The following ADGRL3 variants were observed in gnomAD, a reference collection of about 807,000 sequenced individuals.
ADGRL3 encodes calcium-independent alpha-latrotoxin receptor 3.
In ADGRL3, 62 loss-of-function variants were observed where a neutral mutation model predicts 153.5. That is an observed-to-expected ratio of 0.40 (90% CI 0.33 to 0.50). ADGRL3 has a LOEUF of 0.50. Among genes scored for constraint, ADGRL3 ranks in the 20% least tolerant of loss-of-function variants. ADGRL3 has a pLI of 0.47. For missense variants in ADGRL3, 1,641 were observed against 1,859.4 expected (o/e 0.88, Z 2.16); for synonymous variants, 710 against 672.5 (o/e 1.06, Z -0.86).
intron 9 of ADGRL3, among the ~76,000 whole-genome samples, chr4:61,864,887 C>T (rs1158379946): frequency 2.0e-5 from 3 of 152,226 alleles, no homozygotes; most frequent in East Asian, 1.9e-4. Context: ...ATGAAATCAA[C>T]GGAAGCATAG....
chr4:62,003,970 T>C (rs988748490), intron 21 of ADGRL3, among the ~76,000 whole-genome samples: 1 of 152,076 alleles, frequency 6.6e-6, no homozygotes, highest in Non-Finnish European at 1.5e-5. Flanking sequence ...GGATGAATAG[T>C]AAAATACCTT....
chr4:61,361,934 T>C (rs1035284408), intron 1 of ADGRL3, among the ~76,000 whole-genome samples: 1 of 150,472 alleles, frequency 6.6e-6, no homozygotes, highest in African/African-American at 2.4e-5. Context: ...AACTGTAGTA[T>C]AACAGTTCTC....
chr4:61,979,904 C>T (rs750926862), intron 18 of ADGRL3, 132 bp downstream of exon 18: 141 of 784,832 alleles, frequency 1.8e-4, no homozygotes, highest in Non-Finnish European at 2.4e-4. Flanking sequence ...AATTTTCAGG[C>T]CTTACTCAGT....
At chr4:61,922,757 G>T (rs912688431) in intron 13 of ADGRL3, among the ~76,000 whole-genome samples, 4 of 152,190 alleles carry the variant, frequency 2.6e-5, no homozygotes. Flanking sequence ...TGTTTCAGGT[G>T]CAGGGATTCA....
chr4:61,771,080 T>C (rs2097079693), intron 8 of ADGRL3, among the ~76,000 whole-genome samples: 1 of 152,174 alleles, frequency 6.6e-6, no homozygotes, highest in Non-Finnish European at 1.5e-5. Context: ...CCTTCACAGT[T>C]GAATACAAGG....
chr4:61,323,569 A>G (rs915179588), intron 1 of ADGRL3, among the ~76,000 whole-genome samples: 2 of 152,116 alleles, frequency 1.3e-5, no homozygotes, highest in African/African-American at 2.4e-5. Flanking sequence ...AAGTTCCACA[A>G]ATCTCTAGGG....
At chr4:61,511,136 T>A (rs1352571186) in intron 3 of ADGRL3, among the ~76,000 whole-genome samples, 1 of 152,138 alleles carries the variant, frequency 6.6e-6, no homozygotes, top group Non-Finnish European at 1.5e-5. Context: ...GGTGGGCTGA[T>A]CACTTGAGGT....
chr4:61,373,259 G>T (rs552104411), intron 1 of ADGRL3, among the ~76,000 whole-genome samples: 1 of 152,010 alleles, frequency 6.6e-6, no homozygotes, highest in African/African-American at 2.4e-5. Context: ...TAACTCTGTC[G>T]CTTTTTCTAA....
intron 4 of ADGRL3, among the ~76,000 whole-genome samples, chr4:61,528,874 A>G (rs1036448876): frequency 3.3e-5 from 5 of 152,288 alleles, no homozygotes; most frequent in Admixed American, 6.5e-5. Context: ...GCCTAGAGGT[A>G]GTAGCACAAG....
chr4:61,233,023 T>C (rs1751398673), intron 1 of ADGRL3, among the ~76,000 whole-genome samples: 1 of 152,196 alleles, frequency 6.6e-6, no homozygotes, highest in African/African-American at 2.4e-5. Context: ...CAGAATTATG[T>C]GCTTGAATAT....
intron 9 of ADGRL3, among the ~76,000 whole-genome samples, chr4:61,852,668 GTTAGT>G (rs573787765): frequency 2.0e-3 from 301 of 152,168 alleles, no homozygotes; most frequent in Middle Eastern, 0.014. Flanking sequence ...GAATACCCCA[GTTAGT>G]TTATTTAGTC....
chr4:61,426,007 C>A (rs538189005), intron 2 of ADGRL3, among the ~76,000 whole-genome samples: 1 of 152,322 alleles, frequency 6.6e-6, no homozygotes, highest in Non-Finnish European at 1.5e-5. Context: ...GAGGCAGTGG[C>A]CCAGTGTAGA....
At chr4:61,272,590 A>G (rs934064090) in intron 1 of ADGRL3, among the ~76,000 whole-genome samples, 18 of 152,232 alleles carry the variant, frequency 1.2e-4, no homozygotes, top group African/African-American at 4.3e-4. Flanking sequence ...CTCAGACAGC[A>G]TGGAATACAC....
chr4:61,267,915 A>C (rs1213410858), intron 1 of ADGRL3, among the ~76,000 whole-genome samples: 1 of 151,698 alleles, frequency 6.6e-6, no homozygotes, highest in Non-Finnish European at 1.5e-5. Context: ...TGATGTTGAA[A>C]ATACTTTAAA....
Position 62,004,728 on chromosome 4 carries a change from T to C in ADGRL3, c.3395+6463T>C, listed in dbSNP as rs369809396. Among the ~76,000 whole-genome samples, 22 of 152,166 alleles carry C rather than the reference T, an allele frequency of 1.4e-4. No homozygotes were observed. The East Asian group carries it at 3.1e-3, about 21-fold the overall frequency. ...ACTGAAGATGTGTTTTCCCAAATTT[T>C]AAAAATCAAATGTACTTCTCCATGC... is the stretch of plus-strand genomic sequence containing the variant. On this transcript the variant is annotated intron_variant, in intron 21 of 26. Coordinates refer to ENST00000683033, the MANE Select transcript of ADGRL3 (RefSeq NM_001387552.1).
At chr4:62,006,003 C>CACACACACACACATATAT (rs1230956055) in intron 21 of ADGRL3, among the ~76,000 whole-genome samples, 27 of 48,982 alleles carry the variant, frequency 5.5e-4, no homozygotes, top group African/African-American at 2.0e-3. Flanking sequence ...CACACACACA[C>CACACACACACACATATAT]ATATATATAT....
chr4:61,598,266 G>A (rs970024438), intron 5 of ADGRL3, among the ~76,000 whole-genome samples: 3 of 152,144 alleles, frequency 2.0e-5, no homozygotes, highest in Non-Finnish European at 2.9e-5. Flanking sequence ...AACCGACATG[G>A]ATACTGGAGG....
At chr4:61,303,430 G>A (rs1005588687) in intron 1 of ADGRL3, among the ~76,000 whole-genome samples, 2 of 151,804 alleles carry the variant, frequency 1.3e-5, no homozygotes, top group African/African-American at 4.8e-5. Context: ...CACTTAATAA[G>A]GTGATACAGA....
At chr4:61,589,411 G>A (rs146131405) in intron 5 of ADGRL3, among the ~76,000 whole-genome samples, 16 of 152,128 alleles carry the variant, frequency 1.1e-4, no homozygotes, top group African/African-American at 3.9e-4. Context: ...TATAATGAAC[G>A]TAGTTACACT....
Sources: gnomAD v4.1 joint callset for allele counts (sites outside exome capture counted in the v4.1 genomes callset) on GRCh38, gnomAD v4.1.1 for gene constraint, MANE v1.5 for transcripts, NCBI Gene and HGNC (gene_info 2026-07-23, HGNC 2026-07-21) for gene names.